The following TMED10 variants were observed in gnomAD, a reference collection of about 807,000 sequenced individuals.
TMED10 encodes transmembrane emp24 domain-containing protein 10.
TMED10 carries 7 observed loss-of-function variants against 23.1 expected under a neutral mutation model. The observed-to-expected ratio is 0.30, with a 90% CI of 0.17 to 0.57. TMED10 has a LOEUF of 0.57. TMED10 is among the 20% of genes least tolerant of loss of function. The pLI, the probability that TMED10 is intolerant of heterozygous loss-of-function variation, is 0.91. For missense variants in TMED10, 162 were observed against 274.8 expected (o/e 0.59, Z 2.90); for synonymous variants, 113 against 106.9 (o/e 1.06, Z -0.35).
intron 1 of TMED10, among the ~76,000 whole-genome samples, chr14:75,165,448 G>A (rs533557596): frequency 3.3e-5 from 5 of 152,138 alleles, no homozygotes; most frequent in South Asian, 4.2e-4. Context: ...GGCTGGTCTC[G>A]AACTCCTGAC....
At chr14:75,147,792 T>TACCC (rs1895905855) in intron 2 of TMED10, 55 bp from the exon 3 acceptor site, 15 of 1,506,840 alleles carry the variant, frequency 1.0e-5, no homozygotes, top group Middle Eastern at 4.2e-4. Flanking sequence ...TCTGGGAAAT[T>TACCC]ACCCACCCAC....
chr14:75,158,580 G>C (rs924648449), intron 1 of TMED10, among the ~76,000 whole-genome samples: 2 of 151,844 alleles, frequency 1.3e-5, no homozygotes, highest in East Asian at 2.0e-4. Context: ...CTCCCACCTT[G>C]GCCTCCCAAA....
At chr14:75,165,747 C>T (rs933542772) in intron 1 of TMED10, among the ~76,000 whole-genome samples, 1 of 152,206 alleles carries the variant, frequency 6.6e-6, no homozygotes, top group Non-Finnish European at 1.5e-5. Context: ...TTTGGCAACA[C>T]TAAATTCTTT....
At chr14:75,175,215 C>T (rs191830870) in intron 1 of TMED10, among the ~76,000 whole-genome samples, 1 of 152,052 alleles carries the variant, frequency 6.6e-6, no homozygotes, top group African/African-American at 2.4e-5. Context: ...AAGACCAGGC[C>T]AGGCTACTCT....
chr14:75,140,341 C>T (rs1325295656), intron 3 of TMED10, among the ~76,000 whole-genome samples: 5 of 151,894 alleles, frequency 3.3e-5, no homozygotes, highest in East Asian at 2.0e-4. Flanking sequence ...CCTCATGATC[C>T]GCCCTCCTCG....
intron 1 of TMED10, among the ~76,000 whole-genome samples, chr14:75,152,777 T>G (rs1417750148): frequency 6.6e-6 from 1 of 152,190 alleles, no homozygotes. Context: ...CTCACGCCTG[T>G]AATCCCAAAC....
intron 3 of TMED10, among the ~76,000 whole-genome samples, chr14:75,145,949 C>T (rs1281174035): frequency 1.3e-5 from 2 of 152,100 alleles, no homozygotes; most frequent in Non-Finnish European, 2.9e-5. Flanking sequence ...ATTCTTCTAC[C>T]TTATAATAAT....
At chr14:75,164,324 G>A (rs574748453) in intron 1 of TMED10, among the ~76,000 whole-genome samples, 55 of 146,970 alleles carry the variant, frequency 3.7e-4, no homozygotes, top group African/African-American at 1.3e-3. Context: ...CTCCACCTCC[G>A]GGTTCAAGCA....
At position 75,134,893 on chromosome 14, in the gene TMED10, T is replaced by C; in HGVS notation, c.652A>G (p.Ile218Val). Residue 218 changes from isoleucine to valine, a missense_variant, in exon 5 of 5, where the codon ATT becomes GTT. Physicochemically the swap from Ile to Val is conservative, Grantham distance 29. Coordinates refer to ENST00000303575, the MANE Select transcript of TMED10 (RefSeq NM_006827.6). ...AGAATATGCCTCATTCATTACTCAA[T>C]CAATTTCTTGGCCTTGAAGAAGCGT... ...LRRFFKAKKL[I>V]E The C allele has an allele frequency of 1.2e-6, 2 of 1,614,008 alleles. No individual in the cohort carries two copies. Among genetic ancestry groups the C allele is most frequent in the Non-Finnish European group, 1.7e-6 (2 of 1,179,924 alleles).
In TMED10 at chr14:75,135,880, T is replaced by C. The variant is rs779702628; in HGVS notation, c.418A>G (p.Lys140Glu). The C allele has an allele frequency of 4.3e-6, 7 of 1,613,436 alleles. No homozygotes were observed. The highest frequency in any genetic ancestry group is 1.7e-5 in the Admixed American group (1 of 59,838). The stretch of plus-strand genomic sequence containing the variant: ...TCTAATGGTTTGAGCTTCTCAACTT[T>C]TGCAATCTGGAAAAGAATGGAATAT... ...VEAKNYEEIAKVEKLKPLEVE... is the reference protein window; with the variant it reads ...VEAKNYEEIAEVEKLKPLEVE... The change falls in exon 4 of 5, where the codon AAA becomes GAA. Residue 140 changes from lysine to glutamate, a missense_variant. Around this residue, in one of 2 missense-constraint regions of TMED10, gnomAD observed 126 missense variants for 239.5 expected, o/e 0.53. Coordinates refer to ENST00000303575, the MANE Select transcript of TMED10 (RefSeq NM_006827.6).
At chr14:75,155,508 ATTCAC>A (rs1389129873) in intron 1 of TMED10, among the ~76,000 whole-genome samples, 1 of 152,234 alleles carries the variant, frequency 6.6e-6, no homozygotes, top group Non-Finnish European at 1.5e-5. Context: ...TGATTGTGGT[ATTCAC>A]TTCACAATGT....
chr14:75,164,530 C>CT (rs1366740735), intron 1 of TMED10, among the ~76,000 whole-genome samples: 1 of 108,200 alleles, frequency 9.2e-6, no homozygotes, highest in African/African-American at 4.0e-5. Context: ...TGCACCTGGC[C>CT]TAATATATAT....
chr14:75,167,104 G>C (rs867825761), intron 1 of TMED10, among the ~76,000 whole-genome samples: 20 of 151,790 alleles, frequency 1.3e-4, no homozygotes, highest in Admixed American at 8.5e-4. Context: ...ACCACGCCTG[G>C]CTAATTTTTG....
intron 3 of TMED10, chr14:75,138,959 A>G (rs1895789355): frequency 3.5e-6 from 1 of 289,414 alleles, no homozygotes; most frequent in Non-Finnish European, 6.7e-6. Context: ...GCTGTTCCCA[A>G]TCCCTTTCCA....
intron 3 of TMED10, among the ~76,000 whole-genome samples, chr14:75,144,783 G>A (rs1031782463): frequency 6.6e-6 from 1 of 152,118 alleles, no homozygotes; most frequent in Non-Finnish European, 1.5e-5. Context: ...TCAGCCTCCC[G>A]AGTAGTTGGG....
At chr14:75,175,250 GTAT>G (rs2139867110) in intron 1 of TMED10, among the ~76,000 whole-genome samples, 1 of 152,054 alleles carries the variant, frequency 6.6e-6, no homozygotes, top group East Asian at 1.9e-4. Flanking sequence ...AATCAAACTG[GTAT>G]TATGGCAGTA....
rs540962708 is a variant in TMED10 at position 75,161,696 on chromosome 14, T to C, written c.226-9553A>G. ...AGAGGTGAGACCTGGTTCTCTGCCC[T>C]GCCCCTAAGCACTACATTTCTCCCC... On this transcript the variant is annotated intron_variant, in intron 1 of 4. Transcript: ENST00000303575. Among the ~76,000 whole-genome samples the C allele has an allele frequency of 3.0e-4, 46 of 152,212 alleles. No homozygotes were observed. In the Middle Eastern group the frequency reaches 0.01, roughly 34 times the overall value.
chr14:75,140,993 TA>T (rs759336690), intron 3 of TMED10, among the ~76,000 whole-genome samples: 1 of 152,214 alleles, frequency 6.6e-6, no homozygotes, highest in South Asian at 2.1e-4. Context: ...TGATTTTTTT[TA>T]AACATTTTAA....
intron 1 of TMED10, among the ~76,000 whole-genome samples, chr14:75,162,640 C>A (rs1279228420): frequency 6.6e-6 from 1 of 151,776 alleles, no homozygotes; most frequent in Non-Finnish European, 1.5e-5. Flanking sequence ...AGTGGACTGA[C>A]CAAAACATCA....
Sources: allele counts gnomAD v4.1 joint callset (sites outside exome capture counted in the v4.1 genomes callset), GRCh38; gene constraint gnomAD v4.1.1; regional missense constraint gnomAD v4.1.1; transcripts MANE v1.5; gene names NCBI Gene and HGNC (gene_info 2026-07-23, HGNC 2026-07-21).